ZNF274: variants seen among roughly 807,000 people sequenced by gnomAD.
ZNF274 encodes the protein neurotrophin receptor-interacting factor homolog.
A neutral mutation model predicts 42.5 loss-of-function variants in ZNF274; 23 were observed. The observed-to-expected ratio is 0.54, with a 90% confidence interval of 0.39 to 0.77. The LOEUF (loss-of-function observed/expected upper bound fraction) is 0.77. Among genes scored for constraint, ZNF274 ranks in the 30% least tolerant of loss-of-function variants. The pLI is 0.00. For synonymous variants in ZNF274, 292 were observed against 305.4 expected (o/e 0.96, Z 0.46); for missense variants, 679 against 806.5 (o/e 0.84, Z 1.91).
chr19:58,202,688 G>T (rs938555196), intron 4 of ZNF274, among the ~76,000 whole-genome samples: 9 of 152,226 alleles, frequency 5.9e-5, no homozygotes, highest in African/African-American at 2.2e-4. Flanking sequence ...GTGAACTTAA[G>T]AGCTTCCATT....
chr19:58,211,394 T>G lies in ZNF274; in HGVS notation c.853-166T>G. The G allele has an allele frequency of 1.2e-6, 1 of 822,576 alleles. No homozygotes were observed. The allele number at this position is 822,576 out of a possible 1,614,324, so 51.0% of individuals were successfully genotyped here. ...GACCCAGACCCTGGTTTGGACCCAGTAGAACTCTTGTGGGCCCTGGGTTGG... is the reference window on the plus strand; with the variant it reads ...GACCCAGACCCTGGTTTGGACCCAGGAGAACTCTTGTGGGCCCTGGGTTGG... On this transcript the variant is annotated intron_variant, in intron 6 of 7. Transcript: ENST00000617501. This position sits in a 1 kb window ranked among gnomAD's most constrained non-coding sequence, Gnocchi z 4.8.
At position 58,211,543 on chromosome 19, in the gene ZNF274, C is replaced by A. The variant is rs771711325; in HGVS notation, c.853-17C>A. On this transcript the variant is annotated splice_polypyrimidine_tract_variant and intron_variant, in intron 6 of 7. Transcript: ENST00000617501. The surrounding 1 kb of genome is among the most constrained non-coding windows in gnomAD (Gnocchi z 4.8). ...CTGACCCTCTTGCTGAGCATAGACA[C>A]ATATGTGATGTTACAGGAGCCAGTG... The A allele has an allele frequency of 1.2e-6, 2 of 1,608,722 alleles. No homozygotes were observed. The highest frequency in any genetic ancestry group is 2.2e-5 in the East Asian group (1 of 44,804).
intron 4 of ZNF274, among the ~76,000 whole-genome samples, chr19:58,198,021 A>G (rs544070932): frequency 6.6e-6 from 1 of 152,360 alleles, no homozygotes; most frequent in African/African-American, 2.4e-5. Context: ...GTAATTAAGA[A>G]GGAAAACAAA....
At position 58,212,020 on chromosome 19, in the gene ZNF274, C is replaced by T; in HGVS notation, c.980-141C>T. The T allele has an allele frequency of 9.7e-7, 1 of 1,028,844 alleles. No individual in the cohort carries two copies. The highest frequency in any genetic ancestry group is 1.4e-6 in the Non-Finnish European group (1 of 719,562). The allele number at this position is 1,028,844 out of a possible 1,614,324, so 63.7% of individuals were successfully genotyped here. A position where few individuals can be genotyped will look rare whatever the true frequency, so the allele number is the denominator to read the frequency against. ...CCCTCCCTGCCGCTTCATTGCTTTT[C>T]AGTCTCTCTCCAGGTTGCATGACTC... On this transcript the variant is annotated intron_variant, in intron 7 of 7. Transcript: ENST00000617501. The surrounding 1 kb of genome is among the most constrained non-coding windows in gnomAD (Gnocchi z 4.6).
chr19:58,207,346 C>A lies in ZNF274; in HGVS notation c.739+144C>A. The A allele has an allele frequency of 7.5e-7, 1 of 1,338,026 alleles. No homozygotes were observed. Among genetic ancestry groups the A allele is most frequent in the Non-Finnish European group, 1.0e-6 (1 of 1,000,664 alleles). The allele number at this position is 1,338,026 out of a possible 1,614,324, so 82.9% of individuals were successfully genotyped here. On this transcript the variant is annotated intron_variant, in intron 5 of 7. Coordinates refer to ENST00000617501, the MANE Select transcript of ZNF274 (RefSeq NM_133502.3). The surrounding 1 kb of genome is among the most constrained non-coding windows in gnomAD (Gnocchi z 5.6). Reference sequence around the variant, plus strand: ...ACAGACCAAGGACATCCATGTTGCCCACGTGTTCCTGAGTCAGAGCCACTG... The same window carrying A: ...ACAGACCAAGGACATCCATGTTGCCAACGTGTTCCTGAGTCAGAGCCACTG...
intron 4 of ZNF274, among the ~76,000 whole-genome samples, 194 bp downstream of exon 4, chr19:58,187,236 G>A (rs2075710697): frequency 1.3e-5 from 2 of 152,186 alleles, no homozygotes; most frequent in Admixed American, 1.3e-4. Flanking sequence ...TGAACCTGTT[G>A]CTGGTGGCAG....
intron 4 of ZNF274, among the ~76,000 whole-genome samples, chr19:58,187,361 A>T (rs548629158): frequency 6.6e-6 from 1 of 152,166 alleles, no homozygotes; most frequent in Non-Finnish European, 1.5e-5. Context: ...ACTTTCTTAT[A>T]TAGGCTTACG....
At chr19:58,185,191 C>G (rs1274476797) in intron 2 of ZNF274, among the ~76,000 whole-genome samples, 1 of 151,106 alleles carries the variant, frequency 6.6e-6, no homozygotes, top group Non-Finnish European at 1.5e-5. Flanking sequence ...TTTGGGAGGC[C>G]GAGGCAGGCA....
chr19:58,213,291 C>T lies in ZNF274; in HGVS notation c.*148C>T. 1 of 936,528 alleles carries T rather than the reference C, an allele frequency of 1.1e-6. No individual in the cohort carries two copies. Among genetic ancestry groups the T allele is most frequent in the Non-Finnish European group, 1.5e-6 (1 of 667,448 alleles). The allele number at this position is 936,528 out of a possible 1,614,324, so 58.0% of individuals were successfully genotyped here. A position where few individuals can be genotyped will look rare whatever the true frequency, so the allele number is the denominator to read the frequency against. ...ACCAAAGGACAACTGAGGAGACTGC[C>T]CAGCACATAATGAATAAATAAGAAA... On this transcript the variant is annotated 3_prime_UTR_variant, in exon 8 of 8. Coordinates refer to ENST00000617501, the MANE Select transcript of ZNF274 (RefSeq NM_133502.3).
chr19:58,197,296 C>G (rs1568703027), intron 4 of ZNF274, among the ~76,000 whole-genome samples: 1 of 152,128 alleles, frequency 6.6e-6, no homozygotes, highest in Admixed American at 6.5e-5. Flanking sequence ...TCTGTGCAGA[C>G]AAATGACCAG....
rs2076068601 is a variant in ZNF274 at position 58,213,471 on chromosome 19, A to C, written c.*328A>C. 3.8e-6 allele frequency: 1 copy of C among 264,428 alleles called. No individual in the cohort carries two copies. The highest frequency in any genetic ancestry group is 4.8e-5 in the Admixed American group (1 of 20,880). The allele number at this position is 264,428 out of a possible 1,614,324, so 16.4% of individuals were successfully genotyped here. A position where few individuals can be genotyped will look rare whatever the true frequency, so the allele number is the denominator to read the frequency against. On this transcript the variant is annotated 3_prime_UTR_variant, in exon 8 of 8. Transcript: ENST00000617501. Reference sequence around the variant, plus strand: ...GCCAGGTAATTAATAATCTGCACTGATATTACATCCACAGTACCACAGTAT... The same window carrying C: ...GCCAGGTAATTAATAATCTGCACTGCTATTACATCCACAGTACCACAGTAT...
At chr19:58,188,694 G>GTATA (rs71925177) in intron 4 of ZNF274, among the ~76,000 whole-genome samples, 1,598 of 74,540 alleles carry the variant, frequency 0.021, 43 homozygotes, top group African/African-American at 0.049. Flanking sequence ...ATATGTATAT[G>GTATA]TATATATATA....
At position 58,192,204 on chromosome 19, in the gene ZNF274, C is replaced by A. The variant is rs543031720; in HGVS notation, c.256+5162C>A. Among the ~76,000 whole-genome samples the A allele has an allele frequency of 2.0e-5, 3 of 152,168 alleles. No homozygotes were observed. The South Asian group carries it at 6.2e-4, about 32-fold the overall frequency. ...TTAGCATTTCGAGGGCCACTTCGAG[C>A]CTAGTGGACTAGGAGTAGGTAAAAT... On this transcript the variant is annotated intron_variant, in intron 4 of 7. Coordinates refer to ENST00000617501, the MANE Select transcript of ZNF274 (RefSeq NM_133502.3).
At chr19:58,190,444 T>A (rs751571316) in intron 4 of ZNF274, among the ~76,000 whole-genome samples, 1 of 152,166 alleles carries the variant, frequency 6.6e-6, no homozygotes, top group African/African-American at 2.4e-5. Flanking sequence ...TGGAAAAGTT[T>A]CTAGGTTTTG....
At position 58,213,024 on chromosome 19, in the gene ZNF274, G is replaced by A. The variant is rs531212927; in HGVS notation, c.1843G>A (p.Gly615Arg). 13 of 1,614,020 alleles carry A rather than the reference G, an allele frequency of 8.1e-6. No individual in the cohort carries two copies. Among genetic ancestry groups the A allele is most frequent in the East Asian group, 4.5e-5 (2 of 44,890 alleles). Reference sequence around the variant, plus strand: ...CATCAGACATCAGAGGACTCACACCGGGGAGCGCCCATATGCATGCAACAA... The same window carrying A: ...CATCAGACATCAGAGGACTCACACCAGGGAGCGCCCATATGCATGCAACAA... ...HLIRHQRTHT[G>R]ERPYACNKCG... The change falls in exon 8 of 8, where the codon GGG becomes AGG. Residue 615 changes from glycine (G) to arginine (R), a missense_variant. Gly to Arg is a moderately radical substitution (Grantham distance 125). Transcript: ENST00000617501.
chr19:58,188,618 AAAATATATAT>A (rs1480311146), intron 4 of ZNF274, among the ~76,000 whole-genome samples: 1,461 of 52,508 alleles, frequency 0.028, 35 homozygotes, highest in East Asian at 0.087. Context: ...AAAAAAAAAA[AAAATATATAT>A]ATATATATAT....
chr19:58,194,072 G>A (rs1240114417), intron 4 of ZNF274, among the ~76,000 whole-genome samples: 1 of 152,088 alleles, frequency 6.6e-6, no homozygotes, highest in Non-Finnish European at 1.5e-5. Context: ...AGATCAGCTT[G>A]GGAAACATGG....
intron 4 of ZNF274, among the ~76,000 whole-genome samples, chr19:58,199,901 G>A (rs574385201): frequency 6.6e-6 from 1 of 152,372 alleles, no homozygotes; most frequent in East Asian, 1.9e-4. Flanking sequence ...AACTTATTTT[G>A]AGGGCTTAAA....
chr19:58,197,955 C>T (rs1376498575), intron 4 of ZNF274, among the ~76,000 whole-genome samples: 2 of 152,182 alleles, frequency 1.3e-5, no homozygotes, highest in East Asian at 1.9e-4. Flanking sequence ...ATCACTCTCC[C>T]TGTGTTCTAG....
Sources: allele counts gnomAD v4.1 joint callset (sites outside exome capture counted in the v4.1 genomes callset), GRCh38; gene constraint gnomAD v4.1.1; non-coding constraint Gnocchi (gnomAD v3.1); transcripts MANE v1.5; gene names NCBI Gene and HGNC (gene_info 2026-07-23, HGNC 2026-07-21).